TMEM52B: variants seen among roughly 807,000 people sequenced by gnomAD.
TMEM52B encodes chromosome 12 open reading frame 59.
In TMEM52B, 11 loss-of-function variants were observed where a neutral mutation model predicts 16.1. The ratio of observed to expected loss-of-function variants is 0.68; its 90% CI spans 0.43 to 1.13. The LOEUF (loss-of-function observed/expected upper bound fraction) is 1.13, where lower values mean the gene tolerates loss of function less well. TMEM52B is among the 50% of genes most tolerant of loss of function. TMEM52B has a pLI of 0.00. For synonymous variants in TMEM52B, 101 were observed against 93.8 expected (o/e 1.08, Z -0.45); for missense variants, 243 against 230.4 (o/e 1.05, Z -0.35).
chr12:10,177,797 TAATAATAATAATAATA>T (rs1015113250), upstream of TMEM52B, among the ~76,000 whole-genome samples: 1 of 92,550 alleles, frequency 1.1e-5, no homozygotes, highest in African/African-American at 3.8e-5. Flanking sequence ...ATAATAATAA[TAATAATAATAATAATA>T]ATTTTTTTAT....
chr12:10,172,607 G>A (rs1426919869), intron 1 of TMEM52B, among the ~76,000 whole-genome samples: 3 of 152,148 alleles, frequency 2.0e-5, no homozygotes, highest in Non-Finnish European at 2.9e-5. Context: ...AATCACATAT[G>A]GCTCCCATTT....
At chr12:10,189,788 G>T in intron 4 of TMEM52B, 108 bp from the exon 5 acceptor site, 1 of 1,460,504 alleles carries the variant, frequency 6.8e-7, no homozygotes, top group Non-Finnish European at 9.2e-7. Flanking sequence ...CAATGAGTTT[G>T]GATACTTGTA....
chr12:10,177,814 A>ATAATTT (rs146136857), upstream of TMEM52B, among the ~76,000 whole-genome samples: 1 of 85,686 alleles, frequency 1.2e-5, no homozygotes, highest in Non-Finnish European at 2.3e-5. Flanking sequence ...AATAATAATA[A>ATAATTT]TTTTTTTATT....
In TMEM52B at chr12:10,191,669, C is replaced by A. The variant is rs144132213; in HGVS notation, c.*1529C>A. ...GTTATTCTTCCTACTGTCTTCTAAC[C>A]TTCCCTTGCCTGCTATGACTTATCT... is the stretch of plus-strand genomic sequence containing the variant. On this transcript the variant is annotated 3_prime_UTR_variant, in exon 5 of 5. Transcript: ENST00000543484. 206 of 152,286 alleles carry A rather than the reference C, an allele frequency of 1.4e-3. 1 individual carries two copies. Among genetic ancestry groups the A allele is most frequent in the African/African-American group, 4.7e-3 (197 of 41,558 alleles). 9.4% of individuals were successfully genotyped at this position (152,286 alleles called of 1,614,324 possible).
intron 4 of TMEM52B, among the ~76,000 whole-genome samples, chr12:10,189,085 C>T (rs1948923369): frequency 6.9e-6 from 1 of 143,940 alleles, no homozygotes; most frequent in Admixed American, 7.0e-5. Flanking sequence ...CCTGTAATCC[C>T]AGCTACTCGG....
At chr12:10,177,800 TAATAATAATAATA>T (rs1478801539), upstream of TMEM52B, among the ~76,000 whole-genome samples, 85 of 89,456 alleles carry the variant, frequency 9.5e-4, no homozygotes, top group African/African-American at 2.6e-3. Flanking sequence ...ATAATAATAA[TAATAATAATAATA>T]ATTTTTTTAT....
upstream of TMEM52B, among the ~76,000 whole-genome samples, chr12:10,174,711 T>C (rs1012176538): frequency 6.6e-6 from 1 of 152,224 alleles, no homozygotes; most frequent in Admixed American, 6.5e-5. Flanking sequence ...TTGATCCTCT[T>C]TCTCTGCACA....
intron 1 of TMEM52B, chr12:10,182,147 T>G (rs529447786): frequency 1.0e-6 from 1 of 984,868 alleles, no homozygotes; most frequent in South Asian, 4.7e-5. Flanking sequence ...TTCCTTTGTA[T>G]AGTCATTGTC....
intron 4 of TMEM52B, 107 bp downstream of exon 4, chr12:10,186,696 G>GA: frequency 1.7e-6 from 2 of 1,182,324 alleles, no homozygotes; most frequent in Non-Finnish European, 2.2e-6. Flanking sequence ...AAGATTCCAG[G>GA]ACTCACAATA....
rs747558365 is a variant in TMEM52B, at chr12:10,190,701, T to C, written c.*561T>C. The C allele has an allele frequency of 7.3e-4, 117 of 160,940 alleles. No individual in the cohort carries two copies. The highest frequency in any genetic ancestry group is 1.2e-3 in the Non-Finnish European group (86 of 72,366). The allele number at this position is 160,940 out of a possible 1,614,324, so 10.0% of individuals were successfully genotyped here. On this transcript the variant is annotated 3_prime_UTR_variant, in exon 5 of 5. Transcript: ENST00000543484. The stretch of plus-strand genomic sequence containing the variant: ...TGATATGGGCAAAGAGAACACAGTA[T>C]AGTATTTAAGTGCCAAATATCAGTC...
intron 4 of TMEM52B, among the ~76,000 whole-genome samples, chr12:10,187,009 G>A (rs893456018): frequency 2.0e-5 from 3 of 151,146 alleles, no homozygotes; most frequent in Non-Finnish European, 4.4e-5. Flanking sequence ...ATTCTTCAAG[G>A]CTTGATACAC....
Position 10,188,506 on chromosome 12 carries a change from AAGGAAGG to A in TMEM52B, c.308-1388_308-1382del, listed in dbSNP as rs746224012. On this transcript the variant is annotated intron_variant, in intron 4 of 4. Transcript: ENST00000543484. ...AAGAGAGAGAGGGAAGGAAGGAAGGAAGGAAGGAAGGAAGGAAGGAAGGAAGGAAGGA... is the reference window on the plus strand; with the variant it reads ...AAGAGAGAGAGGGAAGGAAGGAAGGAAAGGAAGGAAGGAAGGAAGGAAGGA... Among the ~76,000 whole-genome samples, 742 of 113,232 alleles carry A rather than the reference AAGGAAGG, an allele frequency of 6.6e-3. 1 individual carries two copies. Among genetic ancestry groups the A allele is most frequent in the Middle Eastern group, 0.02 (5 of 256 alleles). 74.3% of individuals were successfully genotyped at this position (113,232 alleles called of 152,430 possible). A position where few individuals can be genotyped will look rare whatever the true frequency, so the allele number is the denominator to read the frequency against.
At chr12:10,172,200 C>G (rs1478980214) in intron 1 of TMEM52B, 1 of 667,512 alleles carries the variant, frequency 1.5e-6, no homozygotes, top group East Asian at 2.7e-5. Flanking sequence ...ATGACTCAAT[C>G]ATTGGTAGGA....
intron 1 of TMEM52B, among the ~76,000 whole-genome samples, chr12:10,180,475 A>G (rs1412631199): frequency 6.6e-6 from 1 of 152,212 alleles, no homozygotes; most frequent in Non-Finnish European, 1.5e-5. Context: ...TTAGTGAAGA[A>G]AGTGAAAGAA....
intron 1 of TMEM52B, among the ~76,000 whole-genome samples, chr12:10,181,489 C>T (rs113984255): frequency 0.067 from 10,121 of 151,394 alleles, 477 homozygotes; most frequent in South Asian, 0.18. Flanking sequence ...ATCACCACGC[C>T]GGGCTAATTT....
intron 1 of TMEM52B, among the ~76,000 whole-genome samples, chr12:10,173,807 C>T (rs1485448992): frequency 6.7e-6 from 1 of 150,110 alleles, no homozygotes; most frequent in Non-Finnish European, 1.5e-5. Flanking sequence ...GAAACGATAT[C>T]ACACTGAAAA....
chr12:10,171,051 C>T (rs1344246945), intron 1 of TMEM52B, among the ~76,000 whole-genome samples: 1 of 152,188 alleles, frequency 6.6e-6, no homozygotes, highest in Non-Finnish European at 1.5e-5. Flanking sequence ...TCAATATTTA[C>T]TACACAAATA....
chr12:10,180,279 T>G (rs2931823), intron 1 of TMEM52B, among the ~76,000 whole-genome samples: 82,166 of 139,778 alleles, frequency 0.59, 23,524 homozygotes, highest in Middle Eastern at 0.68. Context: ...TGGTTTGTTT[T>G]TTTTTTTTTT....
chr12:10,180,797 T>TTTGTTG (rs922588178), intron 1 of TMEM52B, among the ~76,000 whole-genome samples: 23 of 151,996 alleles, frequency 1.5e-4, no homozygotes, highest in Admixed American at 1.2e-3. Flanking sequence ...ACTTAAATGG[T>TTTGTTG]TTGTTGTTGT....
Sources: allele counts gnomAD v4.1 joint callset (sites outside exome capture counted in the v4.1 genomes callset), GRCh38; gene constraint gnomAD v4.1.1; transcripts MANE v1.5; gene names NCBI Gene and HGNC (gene_info 2026-07-23, HGNC 2026-07-21).